The following GSE1 variants were observed in gnomAD, a reference collection of about 807,000 sequenced individuals.
The protein encoded by GSE1 is genetic suppressor element 1.
A neutral mutation model predicts 112.6 loss-of-function variants in GSE1; 32 were observed. The ratio of observed to expected loss-of-function variants is 0.28; its 90% CI spans 0.21 to 0.38. The LOEUF (loss-of-function observed/expected upper bound fraction) is 0.38, where lower values mean the gene tolerates loss of function less well. Among genes scored for constraint, GSE1 ranks in the 10% least tolerant of loss-of-function variants. GSE1 has a pLI of 1.00. For missense variants in GSE1, 2,348 were observed against 1,699.2 expected (o/e 1.38, Z -6.71); for synonymous variants, 1,115 against 735.6 (o/e 1.52, Z -8.35).
At chr16:85,206,369 T>G in intron 1 of GSE1, among the ~76,000 whole-genome samples, 1 of 152,138 alleles carries the variant, frequency 6.6e-6, no homozygotes, top group East Asian at 1.9e-4. Context: ...CATCTGCCCT[T>G]TGAGAAGCCT....
chr16:85,484,275 A>G (rs1280221252), intron 2 of GSE1, among the ~76,000 whole-genome samples: 3 of 152,354 alleles, frequency 2.0e-5, no homozygotes, highest in South Asian at 4.1e-4. Flanking sequence ...CCTGGGAACC[A>G]GGAGAGGGGT....
At chr16:85,417,619 G>T (rs527691664) in intron 2 of GSE1, among the ~76,000 whole-genome samples, 1 of 152,324 alleles carries the variant, frequency 6.6e-6, no homozygotes, top group Non-Finnish European at 1.5e-5. Flanking sequence ...GGCCCAGGCC[G>T]CTTTGGCTGC....
intron 1 of GSE1, among the ~76,000 whole-genome samples, chr16:85,176,733 G>T (rs1038218754): frequency 6.6e-6 from 1 of 152,252 alleles, no homozygotes; most frequent in Non-Finnish European, 1.5e-5. Flanking sequence ...TGGCCTCCGA[G>T]CCCAGAACAG....
At chr16:85,643,140 C>T (rs1050181906) in intron 2 of GSE1, among the ~76,000 whole-genome samples, 1 of 152,160 alleles carries the variant, frequency 6.6e-6, no homozygotes, top group South Asian at 2.1e-4. Flanking sequence ...TACATCTGCC[C>T]GTGGGCCTCA....
chr16:85,319,927 G>A (rs1451024621), intron 1 of GSE1, among the ~76,000 whole-genome samples: 1 of 152,180 alleles, frequency 6.6e-6, no homozygotes, highest in Non-Finnish European at 1.5e-5. Flanking sequence ...TGAGTCCATG[G>A]GTAAGCTTTC....
chr16:85,616,401 A>G (rs1028664851), intron 1 of GSE1, among the ~76,000 whole-genome samples: 1 of 152,170 alleles, frequency 6.6e-6, no homozygotes, highest in African/African-American at 2.4e-5. Flanking sequence ...GGAGTCGGCT[A>G]GCAGGGCCGG....
At chr16:85,308,072 C>T (rs1427482329) in intron 1 of GSE1, among the ~76,000 whole-genome samples, 4 of 152,116 alleles carry the variant, frequency 2.6e-5, no homozygotes, top group Non-Finnish European at 5.9e-5. Flanking sequence ...AGGTCAGGTG[C>T]GGTTCTGTGG....
rs191941607 is a variant in GSE1 at position 85,503,833 on chromosome 16, G to A, written c.2465-130081G>A. Among the ~76,000 whole-genome samples, 5 of 152,178 alleles carry A rather than the reference G, an allele frequency of 3.3e-5. No homozygotes were observed. The East Asian group carries it at 5.8e-4, about 18-fold the overall frequency. Reference sequence around the variant, plus strand: ...ATTTGATACAAGACTATCATCACCCGTGAACCCATTAGCTGCAGGTAAATA... The same window carrying A: ...ATTTGATACAAGACTATCATCACCCATGAACCCATTAGCTGCAGGTAAATA... On this transcript the variant is annotated intron_variant, in intron 2 of 2. Coordinates refer to the GSE1 transcript ENST00000637419.
chr16:85,651,971 G>A (rs2151898788), intron 3 of GSE1, among the ~76,000 whole-genome samples: 1 of 152,358 alleles, frequency 6.6e-6, no homozygotes, highest in East Asian at 1.9e-4. Flanking sequence ...CCGTTCCTCA[G>A]ATGTTTGGCC....
chr16:85,415,276 AT>A (rs1197198430), intron 2 of GSE1, among the ~76,000 whole-genome samples: 1 of 152,136 alleles, frequency 6.6e-6, no homozygotes, highest in Non-Finnish European at 1.5e-5. Context: ...TTGTTTTCTC[AT>A]CTTTTGGGTC....
At chr16:85,515,500 G>C (rs1309417212) in intron 2 of GSE1, among the ~76,000 whole-genome samples, 1 of 152,192 alleles carries the variant, frequency 6.6e-6, no homozygotes, top group Non-Finnish European at 1.5e-5. Flanking sequence ...GGAGGGACGT[G>C]GGGGAAGGCA....
chr16:85,506,292 A>G (rs1179132051), intron 2 of GSE1, among the ~76,000 whole-genome samples: 1 of 152,104 alleles, frequency 6.6e-6, no homozygotes, highest in Non-Finnish European at 1.5e-5. Context: ...TTTTCCTTTG[A>G]TTTTATTTCA....
chr16:85,614,689 G>T (rs1182358126), intron 1 of GSE1, among the ~76,000 whole-genome samples: 1 of 152,212 alleles, frequency 6.6e-6, no homozygotes, highest in Non-Finnish European at 1.5e-5. Context: ...ATGCCAGCCG[G>T]AGTTGAGTCG....
exon 1 of GSE1, chr16:85,556,005 C>G (rs1186582777): frequency 1.2e-5 from 12 of 985,008 alleles, no homozygotes; most frequent in Non-Finnish European, 1.4e-5. Flanking sequence ...ACACACGCGG[C>G]GAAGACACCC....
At chr16:85,294,535 T>C (rs1364046959) in intron 1 of GSE1, among the ~76,000 whole-genome samples, 1 of 152,048 alleles carries the variant, frequency 6.6e-6, no homozygotes, top group Admixed American at 6.6e-5. Flanking sequence ...CCTGACAGTT[T>C]CTCAACAGTG....
Position 85,654,316 on chromosome 16 carries a change from C to G in GSE1, c.465C>G (p.Arg155=), listed in dbSNP as rs776544368. ...GSRSSSGGRE[R]LIVEPPLPQE... ...GGAGCAGCAGTGGAGGTCGGGAACGCCTCATTGTGGAGCCCCCGCTCCCTC... is the reference window on the plus strand; with the variant it reads ...GGAGCAGCAGTGGAGGTCGGGAACGGCTCATTGTGGAGCCCCCGCTCCCTC... The change falls in exon 4 of 16, where the codon CGC becomes CGG. Residue 155 remains arginine, a synonymous_variant. Transcript: ENST00000253458. The G allele has an allele frequency of 1.9e-6, 3 of 1,609,942 alleles. No homozygotes were observed. Among genetic ancestry groups the G allele is most frequent in the African/African-American group, 1.3e-5 (1 of 74,776 alleles).
At chr16:85,541,560 C>A (rs545386476) in intron 2 of GSE1, among the ~76,000 whole-genome samples, 1 of 152,370 alleles carries the variant, frequency 6.6e-6, no homozygotes, top group East Asian at 1.9e-4. Flanking sequence ...AGACCCCTGC[C>A]AGCCACTCCG....
intron 2 of GSE1, among the ~76,000 whole-genome samples, chr16:85,367,057 C>G (rs534072593): frequency 6.6e-6 from 1 of 152,346 alleles, no homozygotes; most frequent in East Asian, 1.9e-4. Context: ...GGCCACCACC[C>G]TGCCGTGGCC....
chr16:85,538,690 G>A (rs1196572430), intron 2 of GSE1, among the ~76,000 whole-genome samples: 1 of 152,164 alleles, frequency 6.6e-6, no homozygotes, highest in African/African-American at 2.4e-5. Flanking sequence ...GGCAGGTACC[G>A]CTGCTTGCAG....
Sources: allele counts gnomAD v4.1 joint callset (sites outside exome capture counted in the v4.1 genomes callset), GRCh38; gene constraint gnomAD v4.1.1; transcripts MANE v1.5; gene names NCBI Gene and HGNC (gene_info 2026-07-23, HGNC 2026-07-21).